Variants in DNAH9 observed in about 807,000 individuals in gnomAD.
DNAH9 encodes the protein dynein axonemal heavy chain 9.
DNAH9 carries 345 observed loss-of-function variants against 471.6 expected under a neutral mutation model. The observed-to-expected ratio is 0.73, with a 90% CI of 0.67 to 0.80. The LOEUF (loss-of-function observed/expected upper bound fraction) is 0.80, where lower values mean the gene tolerates loss of function less well. DNAH9 is among the 30% of genes least tolerant of loss of function. The pLI is 0.00. For missense variants in DNAH9, 5,407 were observed against 5,609.2 expected (o/e 0.96, Z 1.15); for synonymous variants, 2,093 against 2,123.6 (o/e 0.99, Z 0.40).
chr17:11,754,171 G>T (rs905261367), intron 33 of DNAH9, among the ~76,000 whole-genome samples: 3 of 150,684 alleles, frequency 2.0e-5, no homozygotes, highest in African/African-American at 7.3e-5. Flanking sequence ...TTATTTTTAT[G>T]GCTGCATAGT....
At chr17:11,920,313 G>C (rs1295104762) in intron 61 of DNAH9, among the ~76,000 whole-genome samples, 1 of 151,732 alleles carries the variant, frequency 6.6e-6, no homozygotes, top group African/African-American at 2.4e-5. Context: ...TGGGATTATG[G>C]TTGGAGTTAA....
chr17:11,634,095 C>G (rs1308568220), intron 8 of DNAH9, among the ~76,000 whole-genome samples: 1 of 152,086 alleles, frequency 6.6e-6, no homozygotes, highest in African/African-American at 2.4e-5. Flanking sequence ...ACTGAAGCAG[C>G]ACTGCTTGTA....
intron 42 of DNAH9, among the ~76,000 whole-genome samples, chr17:11,794,233 A>T (rs1246459592): frequency 1.3e-5 from 2 of 151,634 alleles, no homozygotes; most frequent in Non-Finnish European, 2.9e-5. Flanking sequence ...TTTAGTAGAG[A>T]CGGAGTTTCA....
chr17:11,668,997 A>G (rs1597457335), intron 15 of DNAH9, 67 bp from the exon 16 acceptor site: 1 of 1,145,302 alleles, frequency 8.7e-7, no homozygotes, highest in East Asian at 2.4e-5. Context: ...GTGCTTTTAA[A>G]ACAGTCCTCT....
chr17:11,774,468 T>G (rs1275466333), intron 38 of DNAH9, among the ~76,000 whole-genome samples: 1 of 152,118 alleles, frequency 6.6e-6, no homozygotes, highest in African/African-American at 2.4e-5. Flanking sequence ...ACAGTCATGG[T>G]GGAAGGCAAA....
In DNAH9 at chr17:11,742,203, G is replaced by A; in HGVS notation, c.6001G>A (p.Glu2001Lys). The A allele has an allele frequency of 6.2e-7, 1 of 1,614,104 alleles. No homozygotes were observed. The highest frequency in any genetic ancestry group is 8.5e-7 in the Non-Finnish European group (1 of 1,179,996). Residue 2001 changes from glutamate to lysine, a missense_variant, in exon 30 of 69, where the codon GAA becomes AAA. Transcript: ENST00000262442. ...RPCAMVVPDF[E>K]LICEIMLVAE... Reference sequence around the variant, plus strand: ...TTGTGCAATGGTGGTTCCAGACTTTGAATTGATCTGTGAAATCATGCTGGT... The same window carrying A: ...TTGTGCAATGGTGGTTCCAGACTTTAAATTGATCTGTGAAATCATGCTGGT...
intron 32 of DNAH9, among the ~76,000 whole-genome samples, chr17:11,752,495 T>A (rs569392249): frequency 3.4e-4 from 51 of 152,100 alleles, no homozygotes; most frequent in African/African-American, 1.2e-3. Context: ...TGAAACCGCG[T>A]CTCTACTAAA....
chr17:11,674,800 A>G (rs1489625247), intron 17 of DNAH9, among the ~76,000 whole-genome samples: 1 of 152,118 alleles, frequency 6.6e-6, no homozygotes, highest in African/African-American at 2.4e-5. Context: ...ATTCTCTTCT[A>G]AAAGTTTTAA....
At chr17:11,698,321 TATATTA>T (rs779089730) in intron 22 of DNAH9, among the ~76,000 whole-genome samples, 4 of 140,324 alleles carry the variant, frequency 2.9e-5, no homozygotes, top group Non-Finnish European at 6.1e-5. Context: ...AAAATAATAA[TATATTA>T]ATATTCTATA....
At chr17:11,745,197 C>A in intron 31 of DNAH9, 113 bp downstream of exon 31, 1 of 871,198 alleles carries the variant, frequency 1.1e-6, no homozygotes, top group Non-Finnish European at 1.8e-6. Flanking sequence ...AAATATGTAT[C>A]TAGTTAGTAA....
chr17:11,829,644 G>A (rs1970620617), intron 48 of DNAH9, among the ~76,000 whole-genome samples: 2 of 152,012 alleles, frequency 1.3e-5, no homozygotes, highest in South Asian at 4.2e-4. Flanking sequence ...GCTAATTTTT[G>A]TATTTTTAGT....
Position 11,632,680 on chromosome 17 carries a change from C to A in DNAH9, c.1612C>A (p.Pro538Thr). The A allele has an allele frequency of 6.2e-7, 1 of 1,600,652 alleles. No individual in the cohort carries two copies. Among genetic ancestry groups the A allele is most frequent in the Non-Finnish European group, 8.6e-7 (1 of 1,167,758 alleles). The stretch of plus-strand genomic sequence containing the variant: ...CTTTATTCAAGCTTTTGATGATGCA[C>A]CTGGCTTGGAGCATGCCTTTAAGGT... ...TIFIQAFDDA[P>T]GLEHAFKLLD... The change falls in exon 8 of 69, where the codon CCT becomes ACT. Residue 538 changes from proline to threonine, a missense_variant. Around this residue, in one of 3 missense-constraint regions of DNAH9, gnomAD observed 767 missense variants for 692.5 expected, o/e 1.11. Coordinates refer to ENST00000262442, the MANE Select transcript of DNAH9 (RefSeq NM_001372.4).
chr17:11,783,089 C>A (rs1022649788), intron 39 of DNAH9, among the ~76,000 whole-genome samples: 2 of 152,124 alleles, frequency 1.3e-5, no homozygotes, highest in Admixed American at 6.5e-5. Flanking sequence ...CCAAGAAATC[C>A]TTTGCAAGCT....
At chr17:11,921,849 G>A (rs916144651) in intron 61 of DNAH9, among the ~76,000 whole-genome samples, 5 of 152,112 alleles carry the variant, frequency 3.3e-5, no homozygotes, top group African/African-American at 7.2e-5. Flanking sequence ...AACTTTGCCC[G>A]TGATGATCCC....
chr17:11,716,808 G>A (rs1319664561), intron 26 of DNAH9, among the ~76,000 whole-genome samples: 1 of 152,198 alleles, frequency 6.6e-6, no homozygotes, highest in East Asian at 1.9e-4. Flanking sequence ...TGAGAGGGAA[G>A]GAAGGTGATG....
chr17:11,640,161 G>A (rs775622286), intron 9 of DNAH9, 109 bp from the exon 10 acceptor site: 2 of 673,638 alleles, frequency 3.0e-6, no homozygotes, highest in Non-Finnish European at 5.2e-6. Context: ...GGTGACTTTA[G>A]TCTGGAGATA....
At chr17:11,811,745 A>G (rs1443103974) in intron 45 of DNAH9, among the ~76,000 whole-genome samples, 1 of 152,052 alleles carries the variant, frequency 6.6e-6, no homozygotes, top group Non-Finnish European at 1.5e-5. Context: ...TCTGGCAATA[A>G]GCATCTTCCG....
intron 50 of DNAH9, 41 bp from the exon 51 acceptor site, chr17:11,869,093 G>A (rs763877159): frequency 3.1e-6 from 5 of 1,604,848 alleles, no homozygotes; most frequent in East Asian, 4.5e-5. Context: ...TAGTTACATG[G>A]GCCGAAATGA....
In DNAH9 at chr17:11,752,882, G is replaced by A. The variant is rs761279002; in HGVS notation, c.6660G>A (p.Gly2220=). The A allele has an allele frequency of 1.2e-5, 20 of 1,609,558 alleles. No homozygotes were observed. In the South Asian group the frequency reaches 2.0e-4, roughly 16 times the overall value. ...AGCTTGCCAACATCACCCATGATGG[G>A]CCCAAGTGGATTTTACTGGATGGCG... The part of the protein sequence containing the change: ...MRELANITHD[G]PKWILLDGDI... Residue 2220 remains glycine, a synonymous_variant, in exon 33 of 69, where the codon GGG becomes GGA. Transcript: ENST00000262442.
Sources: gnomAD v4.1 joint callset for allele counts (sites outside exome capture counted in the v4.1 genomes callset) on GRCh38, gnomAD v4.1.1 for gene constraint, gnomAD v4.1.1 regional missense constraint, MANE v1.5 for transcripts, NCBI Gene and HGNC (gene_info 2026-07-23, HGNC 2026-07-21) for gene names.